SLC20A2: variants seen among roughly 807,000 people sequenced by gnomAD.
SLC20A2 encodes the protein solute carrier family 20 member 2, also known as sodium-dependent phosphate transporter 2.
A neutral mutation model predicts 61.0 loss-of-function variants in SLC20A2; 30 were observed. The observed-to-expected ratio is 0.49, with a 90% CI of 0.37 to 0.67. The LOEUF is 0.67. Ranked by LOEUF, SLC20A2 falls within the 30% of genes least tolerant of loss-of-function variation. SLC20A2 has a pLI of 0.00. For synonymous variants in SLC20A2, 351 were observed against 353.3 expected (o/e 0.99, Z 0.07); for missense variants, 626 against 866.4 (o/e 0.72, Z 3.48).
intron 8 of SLC20A2, among the ~76,000 whole-genome samples, chr8:42,434,814 C>T (rs889355574): frequency 1.3e-5 from 2 of 152,158 alleles, no homozygotes; most frequent in African/African-American, 4.8e-5. Context: ...ACAGTCACCC[C>T]GAGCAGCCAC....
At chr8:42,541,195 C>T (rs982056345) in intron 1 of SLC20A2, 1 of 152,108 alleles carries the variant, frequency 6.6e-6, no homozygotes, top group African/African-American at 2.4e-5. Context: ...GCCCGGCACT[C>T]GCAGGTAATG....
At chr8:42,447,682 A>G (rs982476960) in intron 5 of SLC20A2, among the ~76,000 whole-genome samples, 4 of 152,158 alleles carry the variant, frequency 2.6e-5, no homozygotes, top group African/African-American at 7.2e-5. Context: ...ATCTCAGAAG[A>G]AAAAAAATTT....
intron 1 of SLC20A2, among the ~76,000 whole-genome samples, chr8:42,511,050 G>C (rs1239438191): frequency 1.3e-5 from 2 of 152,120 alleles, no homozygotes; most frequent in African/African-American, 4.8e-5. Flanking sequence ...CAGGTAGACA[G>C]GGAACTTGCA....
At chr8:42,511,739 C>A (rs939855020) in intron 1 of SLC20A2, among the ~76,000 whole-genome samples, 2 of 151,896 alleles carry the variant, frequency 1.3e-5, no homozygotes, top group Non-Finnish European at 2.9e-5. Context: ...AAGAACCCAG[C>A]AGGTGACTAC....
chr8:42,455,477 G>A (rs763971906), intron 5 of SLC20A2, among the ~76,000 whole-genome samples: 27 of 151,520 alleles, frequency 1.8e-4, no homozygotes, highest in Non-Finnish European at 3.5e-4. Flanking sequence ...TGGCTAACAC[G>A]GTGAAACCCC....
At chr8:42,431,578 A>G (rs563407261) in intron 8 of SLC20A2, among the ~76,000 whole-genome samples, 1 of 152,364 alleles carries the variant, frequency 6.6e-6, no homozygotes, top group East Asian at 1.9e-4. Context: ...TACACTAACA[A>G]TAGATTTTCA....
At chr8:42,469,651 C>T (rs796675735) in intron 2 of SLC20A2, among the ~76,000 whole-genome samples, 8 of 152,210 alleles carry the variant, frequency 5.3e-5, no homozygotes, top group African/African-American at 1.9e-4. Context: ...ACTTTGTGGC[C>T]GGGTGTGGTG....
intron 5 of SLC20A2, among the ~76,000 whole-genome samples, chr8:42,456,868 T>C (rs1806252714): frequency 6.6e-6 from 1 of 152,156 alleles, no homozygotes; most frequent in South Asian, 2.1e-4. Flanking sequence ...GGTGGTGCGC[T>C]TAACTCCATG....
intron 10 of SLC20A2, among the ~76,000 whole-genome samples, chr8:42,425,153 T>C (rs1014105560): frequency 6.6e-6 from 1 of 152,166 alleles, no homozygotes; most frequent in African/African-American, 2.4e-5. Context: ...TTTTAAACAA[T>C]AGTTTCCATC....
chr8:42,417,247 A>C lies in SLC20A2; in HGVS notation c.*556T>G, dbSNP rs1802725527. 6.5e-6 allele frequency: 1 copy of C among 153,456 alleles called. No individual in the cohort carries two copies. The highest frequency in any genetic ancestry group is 1.5e-5 in the Non-Finnish European group (1 of 68,714). The allele number at this position is 153,456 out of a possible 1,614,324, so 9.5% of individuals were successfully genotyped here. A position where few individuals can be genotyped will look rare whatever the true frequency, so the allele number is the denominator to read the frequency against. Reference sequence around the variant, plus strand: ...CAGTATATGAACAAATCTTCAGTGAAAGCACTTGTGAGCTCCCGTCCCGCT... The same window carrying C: ...CAGTATATGAACAAATCTTCAGTGACAGCACTTGTGAGCTCCCGTCCCGCT... On this transcript the variant is annotated 3_prime_UTR_variant, in exon 11 of 11. Coordinates refer to ENST00000520262, the MANE Select transcript of SLC20A2 (RefSeq NM_001257180.2).
chr8:42,438,076 A>AAC (rs1804472608), intron 7 of SLC20A2, among the ~76,000 whole-genome samples: 7 of 143,298 alleles, frequency 4.9e-5, no homozygotes, highest in Middle Eastern at 3.3e-3. Flanking sequence ...AAAAAAAAAA[A>AAC]AAAAAAAAAA....
upstream of SLC20A2, chr8:42,502,248 G>C (rs114527598): frequency 6.6e-6 from 1 of 151,630 alleles, no homozygotes; most frequent in African/African-American, 2.4e-5. Context: ...ATCTCCTCCT[G>C]AGACCTTTAT....
chr8:42,442,954 G>C (rs1259966040), intron 6 of SLC20A2, among the ~76,000 whole-genome samples: 1 of 152,060 alleles, frequency 6.6e-6, no homozygotes, highest in Non-Finnish European at 1.5e-5. Context: ...TCTGTAAAAA[G>C]CATGTGGCTT....
chr8:42,535,055 G>C (rs1038250789), intron 1 of SLC20A2: 7 of 152,156 alleles, frequency 4.6e-5, no homozygotes, highest in Admixed American at 1.3e-4. Flanking sequence ...TTCTTCTTCA[G>C]CTGCTCAAAA....
intron 10 of SLC20A2, chr8:42,419,764 C>T (rs888894435): frequency 1.3e-6 from 1 of 787,206 alleles, no homozygotes; most frequent in East Asian, 1.3e-4. Flanking sequence ...ATGTAAGTTG[C>T]TCTTTTTTTG....
intron 1 of SLC20A2, among the ~76,000 whole-genome samples, chr8:42,537,073 TAA>T: frequency 7.7e-6 from 1 of 130,542 alleles, no homozygotes; most frequent in South Asian, 2.5e-4. Flanking sequence ...GGAGTCTGTT[TAA>T]AAAAAAAAAA....
At chr8:42,492,573 T>G (rs1411189367) in intron 1 of SLC20A2, among the ~76,000 whole-genome samples, 1 of 152,224 alleles carries the variant, frequency 6.6e-6, no homozygotes, top group Non-Finnish European at 1.5e-5. Context: ...GCTTTCTCAG[T>G]TCCGAGCATT....
upstream of SLC20A2, among the ~76,000 whole-genome samples, chr8:42,503,218 A>G (rs945635303): frequency 1.3e-5 from 2 of 152,212 alleles, no homozygotes; most frequent in Non-Finnish European, 1.5e-5. Context: ...CTTCCTTTTC[A>G]TTAGTGAAAC....
chr8:42,483,669 G>A (rs1808726055), intron 1 of SLC20A2, among the ~76,000 whole-genome samples: 1 of 152,198 alleles, frequency 6.6e-6, no homozygotes, highest in African/African-American at 2.4e-5. Context: ...CGCCCTCCCA[G>A]ATATTCTAGG....
Sources: allele counts gnomAD v4.1 joint callset (sites outside exome capture counted in the v4.1 genomes callset), GRCh38; gene constraint gnomAD v4.1.1; transcripts MANE v1.5; gene names NCBI Gene and HGNC (gene_info 2026-07-23, HGNC 2026-07-21).